MZF1: variants seen among roughly 807,000 people sequenced by gnomAD.
MZF1 encodes zinc finger and SCAN domain-containing protein 6.
In MZF1, 24 loss-of-function variants were observed where a neutral mutation model predicts 28.6. The ratio of observed to expected loss-of-function variants is 0.84; its 90% CI spans 0.61 to 1.18. MZF1 has a LOEUF of 1.18. MZF1 is among the 50% of genes most tolerant of loss of function. MZF1 has a pLI of 0.00. For synonymous variants in MZF1, 516 were observed against 432.5 expected (o/e 1.19, Z -2.40); for missense variants, 1,166 against 1,026.4 (o/e 1.14, Z -1.86).
intron 2 of MZF1, 66 bp from the exon 3 acceptor site, chr19:58,570,593 G>A (rs947894557): frequency 1.3e-6 from 2 of 1,521,134 alleles, no homozygotes; most frequent in African/African-American, 2.8e-5. Flanking sequence ...CCTGGGGTTT[G>A]TGGGTGCCCA....
At chr19:58,563,937 G>A (rs142040530) in intron 5 of MZF1, 1 of 160,252 alleles carries the variant, frequency 6.2e-6, no homozygotes, top group African/African-American at 2.4e-5. Flanking sequence ...TGTGATGTCT[G>A]TGGGGCATCT....
intron 5 of MZF1, among the ~76,000 whole-genome samples, chr19:58,567,701 C>T (rs1451513852): frequency 6.6e-6 from 1 of 152,204 alleles, no homozygotes; most frequent in East Asian, 1.9e-4. Flanking sequence ...TGGGGTTCCC[C>T]TATGTCCCTT....
intron 1 of MZF1, chr19:58,572,453 C>A (rs2054183058): frequency 2.1e-6 from 2 of 962,732 alleles, no homozygotes; most frequent in African/African-American, 3.4e-5. Flanking sequence ...ACTGCCGGAA[C>A]AGGAGCCTGC....
Position 58,571,350 on chromosome 19 carries a change from G to C in MZF1, c.40C>G (p.Pro14Ala). 6 of 1,614,152 alleles carry C rather than the reference G, an allele frequency of 3.7e-6. No individual in the cohort carries two copies. Among genetic ancestry groups the C allele is most frequent in the South Asian group, 1.1e-5 (1 of 91,082 alleles). The change falls in exon 2 of 6, where the codon CCA becomes GCA. Residue 14 changes from proline to alanine, a missense_variant. Transcript: ENST00000215057. Reference sequence around the variant, plus strand: ...ACCATGACAGGCCCCTCATCTTCTGGGGGTGCTCGGTCTGGGGAGCCCAGC... The same window carrying C: ...ACCATGACAGGCCCCTCATCTTCTGCGGGTGCTCGGTCTGGGGAGCCCAGC... The part of the protein sequence containing the change: ...AVLGSPDRAP[P>A]EDEGPVMVKL...
intron 5 of MZF1, among the ~76,000 whole-genome samples, chr19:58,565,879 G>A (rs1005097169): frequency 6.8e-6 from 1 of 146,354 alleles, no homozygotes; most frequent in African/African-American, 2.5e-5. Flanking sequence ...GGTGGCTCAC[G>A]CCTGTAATCC....
intron 1 of MZF1, among the ~76,000 whole-genome samples, chr19:58,572,129 C>A (rs1216203004): frequency 6.6e-6 from 1 of 152,094 alleles, no homozygotes; most frequent in Non-Finnish European, 1.5e-5. Flanking sequence ...TCACTGCTGG[C>A]GTCTCCCCCT....
chr19:58,563,216 CT>C lies in MZF1; in HGVS notation c.1060del (p.Arg354GlyfsTer19), dbSNP rs778858070. ...GCCACATACATCGCAACGGCCGCCCCTAACCACCCCGCCCCCAGTGCTGGGG... is the reference window on the plus strand; with the variant it reads ...GCCACATACATCGCAACGGCCGCCCCAACCACCCCGCCCCCAGTGCTGGGG... ...GRPSTGGGVV[R>X]GGRCDVCGKV... On this transcript the variant is annotated frameshift_variant, in exon 6 of 6. Transcript: ENST00000215057. LOFTEE classifies it low-confidence loss of function (END_TRUNC). 5 of 1,610,836 alleles carry C rather than the reference CT, an allele frequency of 3.1e-6. No homozygotes were observed. In the East Asian group the frequency reaches 1.1e-4, roughly 36 times the overall value.
chr19:58,562,922 C>T lies in MZF1; in HGVS notation c.1355G>A (p.Arg452His). 1 of 1,591,828 alleles carries T rather than the reference C, an allele frequency of 6.3e-7. No individual in the cohort carries two copies. Among genetic ancestry groups the T allele is most frequent in the Non-Finnish European group, 8.5e-7 (1 of 1,174,082 alleles). Residue 452 changes from arginine (R) to histidine (H), a missense_variant, in exon 6 of 6, where the codon CGC becomes CAC. Coordinates refer to ENST00000215057, the MANE Select transcript of MZF1 (RefSeq NM_198055.2). ...GCGCTGGTGCTGCAGCAGATTGGAG[C>T]GCTGCCGGAAGCTCTGGCCGCACTC... ...CAECGQSFRQ[R>H]SNLLQHQRIH...
At chr19:58,572,477 G>A in intron 1 of MZF1, 2 of 1,160,472 alleles carry the variant, frequency 1.7e-6, no homozygotes, top group East Asian at 5.9e-5. Context: ...GAAGTCCCGA[G>A]ACTCTGATTC....
At chr19:58,566,861 C>T (rs574467298) in intron 5 of MZF1, among the ~76,000 whole-genome samples, 1 of 152,078 alleles carries the variant, frequency 6.6e-6, no homozygotes, top group African/African-American at 2.4e-5. Context: ...GATAGATAAA[C>T]CTCTCTGGCT....
chr19:58,566,291 A>T (rs1193759982), intron 5 of MZF1, among the ~76,000 whole-genome samples: 1 of 151,828 alleles, frequency 6.6e-6, no homozygotes, highest in Non-Finnish European at 1.5e-5. Context: ...TACTAAAAAA[A>T]TACAAAATTA....
At chr19:58,567,790 C>A (rs2054085407) in intron 5 of MZF1, among the ~76,000 whole-genome samples, 2 of 152,174 alleles carry the variant, frequency 1.3e-5, no homozygotes, top group Non-Finnish European at 2.9e-5. Flanking sequence ...TATAAGCCAA[C>A]AACTAGGAGA....
chr19:58,563,657 T>C (rs2053983658), intron 5 of MZF1, 153 bp from the exon 6 acceptor site: 7 of 611,348 alleles, frequency 1.1e-5, no homozygotes, highest in South Asian at 1.1e-4. Flanking sequence ...ATTCTATCTG[T>C]ACAGACTTCC....
At position 58,563,043 on chromosome 19, in the gene MZF1, ACGGC is replaced by A; in HGVS notation, c.1230_1233del (p.Pro411SerfsTer145). On this transcript the variant is annotated frameshift_variant, in exon 6 of 6. Transcript: ENST00000215057. LOFTEE classifies it low-confidence loss of function (END_TRUNC). Reference sequence around the variant, plus strand: ...CCCTGGCCACAGTCGCCGCACACGAACGGCCGCTCCTCGGTGTGCGTAAGCTGGT... The same window carrying A: ...CCCTGGCCACAGTCGCCGCACACGAACGCTCCTCGGTGTGCGTAAGCTGGT... 4 of 1,602,234 alleles carry A rather than the reference ACGGC, an allele frequency of 2.5e-6. No homozygotes were observed. Among genetic ancestry groups the A allele is most frequent in the Non-Finnish European group, 3.4e-6 (4 of 1,179,574 alleles).
intron 5 of MZF1, chr19:58,568,992 G>C (rs1179326829): frequency 3.2e-6 from 1 of 316,622 alleles, no homozygotes; most frequent in Non-Finnish European, 5.9e-6. Flanking sequence ...GACTGGGAGA[G>C]AATGTGGGTA....
chr19:58,564,898 GTGTGTTTTTTTTTT>G (rs1212994876), intron 5 of MZF1, among the ~76,000 whole-genome samples: 19 of 91,950 alleles, frequency 2.1e-4, no homozygotes, highest in African/African-American at 9.5e-4. Flanking sequence ...GCATCCATGT[GTGTGTTTTTTTTTT>G]TTTTTTTTTT....
In MZF1 at chr19:58,563,512, C is replaced by T; in HGVS notation, c.773-8G>A. The stretch of plus-strand genomic sequence containing the variant: ...CTAGCTGCAGCGCGAACCCTGCATA[C>T]ACAAGGGGACCATTCATTCATGACA... On this transcript the variant is annotated splice_region_variant and splice_polypyrimidine_tract_variant and intron_variant, in intron 5 of 5. Coordinates refer to ENST00000215057, the MANE Select transcript of MZF1 (RefSeq NM_198055.2). 6.6e-7 allele frequency: 1 copy of T among 1,516,008 alleles called. No individual in the cohort carries two copies. Among genetic ancestry groups the T allele is most frequent in the Non-Finnish European group, 8.9e-7 (1 of 1,126,176 alleles). 93.9% of individuals were successfully genotyped at this position (1,516,008 alleles called of 1,614,324 possible).
At position 58,563,312 on chromosome 19, in the gene MZF1, G is replaced by A; in HGVS notation, c.965C>T (p.Pro322Leu). The change falls in exon 6 of 6, where the codon CCC becomes CTC. Residue 322 changes from proline to leucine, a missense_variant. By Grantham distance (98) the Pro-to-Leu change is moderately conservative. Transcript: ENST00000215057. ...CAGAGCAGGGCCCACACCCCGGCAG[G>A]GATCCTCGTCCGTGGGGTCCTGTTC... ...RSEQDPTDED[P>L]CRGVGPALIT... 6.2e-7 allele frequency: 1 copy of A among 1,609,138 alleles called. No individual in the cohort carries two copies. Among genetic ancestry groups the A allele is most frequent in the East Asian group, 2.2e-5 (1 of 44,732 alleles).
chr19:58,570,876 G>T, intron 2 of MZF1, 118 bp downstream of exon 2: 2 of 1,155,100 alleles, frequency 1.7e-6, no homozygotes, highest in East Asian at 2.5e-5. Flanking sequence ...TCTGTTGCAG[G>T]TGGCCACTTC....
Sources: gnomAD v4.1 joint callset for allele counts (sites outside exome capture counted in the v4.1 genomes callset) on GRCh38, gnomAD v4.1.1 for gene constraint, MANE v1.5 for transcripts, NCBI Gene and HGNC (gene_info 2026-07-23, HGNC 2026-07-21) for gene names.